Variants in ZC3H13 observed in about 807,000 individuals in gnomAD.
ZC3H13 encodes zinc finger CCCH-type containing 13, also known as zinc finger CCCH domain-containing protein 13.
In ZC3H13, 64 loss-of-function variants were observed where a neutral mutation model predicts 204.1. The observed-to-expected ratio is 0.31, with a 90% CI of 0.26 to 0.39. The LOEUF (loss-of-function observed/expected upper bound fraction) is 0.39, where lower values mean the gene tolerates loss of function less well. ZC3H13 is among the 10% of genes least tolerant of loss of function. ZC3H13 has a pLI of 1.00. For synonymous variants in ZC3H13, 667 were observed against 693.7 expected (o/e 0.96, Z 0.60); for missense variants, 1,833 against 2,082.7 (o/e 0.88, Z 2.33).
At chr13:45,968,588 G>T (rs542944584) in intron 14 of ZC3H13, among the ~76,000 whole-genome samples, 160 bp downstream of exon 14, 34 of 152,172 alleles carry the variant, frequency 2.2e-4, no homozygotes, top group Non-Finnish European at 4.0e-4. Flanking sequence ...TGTGATAACA[G>T]GTAACATTTT....
chr13:46,029,687 C>G (rs1295798955), intron 4 of ZC3H13, among the ~76,000 whole-genome samples: 4 of 151,866 alleles, frequency 2.6e-5, no homozygotes, highest in Admixed American at 6.6e-5. Flanking sequence ...CTCGGCCTCC[C>G]AAAGTGCTGG....
intron 8 of ZC3H13, among the ~76,000 whole-genome samples, chr13:45,993,865 C>T (rs1207248566): frequency 6.6e-6 from 1 of 152,144 alleles, no homozygotes; most frequent in Non-Finnish European, 1.5e-5. Context: ...CATAATGATA[C>T]TTGTAAAACA....
At chr13:46,003,448 T>G in intron 7 of ZC3H13, 112 bp from the exon 8 acceptor site, 1 of 928,568 alleles carries the variant, frequency 1.1e-6, no homozygotes, top group Middle Eastern at 2.7e-4. Context: ...TTTATTATTT[T>G]GTATACTACT....
intron 2 of ZC3H13, 112 bp from the exon 3 acceptor site, chr13:46,045,176 A>G (rs2043861796): frequency 9.7e-7 from 1 of 1,036,062 alleles, no homozygotes; most frequent in Non-Finnish European, 1.4e-6. Context: ...CCTGTGATAT[A>G]TTACTCCCCA....
At position 45,985,698 on chromosome 13, in the gene ZC3H13, T is replaced by C. The variant is rs748022926; in HGVS notation, c.1319A>G (p.Gln440Arg). The C allele has an allele frequency of 6.2e-7, 1 of 1,614,082 alleles. No individual in the cohort carries two copies. The highest frequency in any genetic ancestry group is 8.5e-7 in the Non-Finnish European group (1 of 1,180,016). ...ATCTCTGTGGTCTCTAGAAGAGCTC[T>C]GATCCTGTTCATATTCTCGTTCTTC... ...SREEREYEQD[Q>R]SSSRDHRDDR... is the part of the protein sequence containing the mutation. Residue 440 changes from glutamine (Q) to arginine (R), a missense_variant, in exon 10 of 19, where the codon CAG (glutamine) becomes CGG (arginine). By Grantham distance (43) the Gln-to-Arg change is conservative (BLOSUM62 1). Transcript: ENST00000679008.
At chr13:46,051,529 G>A (rs2044417870) in intron 1 of ZC3H13, among the ~76,000 whole-genome samples, 1 of 152,166 alleles carries the variant, frequency 6.6e-6, no homozygotes, top group Admixed American at 6.5e-5. Context: ...AATTTCAAAT[G>A]TTACAGAACT....
chr13:46,025,236 G>A (rs1593730051), intron 4 of ZC3H13, among the ~76,000 whole-genome samples: 3 of 151,998 alleles, frequency 2.0e-5, no homozygotes, highest in East Asian at 1.9e-4. Context: ...AATGTTTTAC[G>A]CAAAACTTTG....
In ZC3H13 at chr13:45,968,931, G is replaced by T; in HGVS notation, c.3613C>A (p.Arg1205Ser). The T allele has an allele frequency of 6.2e-7, 1 of 1,614,176 alleles. No individual in the cohort carries two copies. ...NRSNRSHTSG[R>S]LRSPSNDSAH... is the part of the protein sequence containing the mutation. ...GAATCATTGGATGGGGAGCGAAGAC[G>T]ACCAGACGTATGACTACGGTTACTC... is the stretch of plus-strand genomic sequence containing the variant. The change falls in exon 14 of 19, where the codon CGT becomes AGT. Residue 1205 changes from arginine to serine, a missense_variant. Physicochemically the swap from Arg to Ser is moderately radical, Grantham distance 110 (BLOSUM62 -1). Around this residue, in one of 5 missense-constraint regions of ZC3H13, gnomAD observed 1,574 missense variants for 1,757.2 expected, o/e 0.90. Transcript: ENST00000679008.
chr13:46,003,455 TACTAACC>T, intron 7 of ZC3H13, 119 bp from the exon 8 acceptor site: 1 of 803,016 alleles, frequency 1.2e-6, no homozygotes, highest in Non-Finnish European at 1.9e-6. Flanking sequence ...TTTTGTATAC[TACTAACC>T]AATATCAAGA....
Position 45,955,266 on chromosome 13 carries a change from A to G in ZC3H13, c.*1861T>C, listed in dbSNP as rs1593418506. 6.6e-6 allele frequency: 1 copy of G among 152,212 alleles called. No individual in the cohort carries two copies. Among genetic ancestry groups the G allele is most frequent in the African/African-American group, 2.4e-5 (1 of 41,462 alleles). 9.4% of individuals were successfully genotyped at this position (152,212 alleles called of 1,614,324 possible). ...TTTGCTTTAGAAAAATTTTATAGGT[A>G]TATGTTACTAATACTGAGAATGGTT... On this transcript the variant is annotated 3_prime_UTR_variant, in exon 19 of 19. Coordinates refer to ENST00000679008, the MANE Select transcript of ZC3H13 (RefSeq NM_001330564.2).
chr13:45,986,934 T>C (rs1954248738), intron 9 of ZC3H13, among the ~76,000 whole-genome samples: 1 of 152,182 alleles, frequency 6.6e-6, no homozygotes, highest in Non-Finnish European at 1.5e-5. Context: ...CCTTTGTCCA[T>C]ATATCCATAT....
At chr13:46,013,946 A>G (rs182857535) in intron 5 of ZC3H13, among the ~76,000 whole-genome samples, 24 of 152,294 alleles carry the variant, frequency 1.6e-4, no homozygotes, top group African/African-American at 5.5e-4. Context: ...CACAAAGAGA[A>G]AGAAATGAAG....
At chr13:45,964,826 A>T (rs1386507179) in intron 16 of ZC3H13, among the ~76,000 whole-genome samples, 1 of 152,188 alleles carries the variant, frequency 6.6e-6, no homozygotes, top group Non-Finnish European at 1.5e-5. Context: ...AAGTCAAAAT[A>T]ATTACCAAAT....
At chr13:46,000,272 T>C (rs953212990) in intron 8 of ZC3H13, among the ~76,000 whole-genome samples, 1 of 152,186 alleles carries the variant, frequency 6.6e-6, no homozygotes. Context: ...TTGGATGGCA[T>C]CTTCTTCCAA....
chr13:45,963,707 A>G, intron 17 of ZC3H13, 135 bp downstream of exon 17: 1 of 1,495,488 alleles, frequency 6.7e-7, no homozygotes, highest in South Asian at 1.4e-5. Context: ...GGGTTAAATA[A>G]TGATTATAAA....
Position 45,985,627 on chromosome 13 carries a change from T to G in ZC3H13, c.1390A>C (p.Thr464Pro), listed in dbSNP as rs1191393586. ...DGRDRRDARD[T>P]RDRRELRDSR... ...TCTCTTAGTTCCCTTCGGTCCCTAG[T>G]ATCTCTGGCATCTCTCCGATCCCGA... is the stretch of plus-strand genomic sequence containing the variant. Residue 464 changes from threonine to proline, a missense_variant, in exon 10 of 19, where the codon ACT becomes CCT. Physicochemically the swap from Thr to Pro is conservative, Grantham distance 38. Transcript: ENST00000679008. The G allele has an allele frequency of 1.9e-6, 3 of 1,614,002 alleles. No homozygotes were observed. Among genetic ancestry groups the G allele is most frequent in the African/African-American group, 1.3e-5 (1 of 74,984 alleles).
intron 8 of ZC3H13, among the ~76,000 whole-genome samples, chr13:45,996,050 G>A (rs897552659): frequency 2.6e-5 from 4 of 152,158 alleles, no homozygotes; most frequent in African/African-American, 4.8e-5. Context: ...ATATCTGGCA[G>A]AATGAGCTAC....
intron 7 of ZC3H13, among the ~76,000 whole-genome samples, chr13:46,005,727 G>GATCT (rs1366947307): frequency 6.6e-6 from 1 of 152,124 alleles, no homozygotes; most frequent in Non-Finnish European, 1.5e-5. Context: ...GGGCTCAAGT[G>GATCT]ATCTGTCCAC....
intron 9 of ZC3H13, among the ~76,000 whole-genome samples, chr13:45,986,671 A>T (rs1025204512): frequency 6.6e-6 from 1 of 152,246 alleles, no homozygotes; most frequent in Non-Finnish European, 1.5e-5. Context: ...CCAAAGAATT[A>T]ACAAGAGAAC....
Sources: gnomAD v4.1 joint callset for allele counts (sites outside exome capture counted in the v4.1 genomes callset) on GRCh38, gnomAD v4.1.1 for gene constraint, gnomAD v4.1.1 regional missense constraint, MANE v1.5 for transcripts, NCBI Gene and HGNC (gene_info 2026-07-23, HGNC 2026-07-21) for gene names.